Variants in TJP1 observed in about 807,000 individuals in gnomAD.
TJP1 encodes tight junction protein 1.
TJP1 carries 43 observed loss-of-function variants against 194.2 expected under a neutral mutation model. The observed-to-expected ratio is 0.22, with a 90% CI of 0.17 to 0.29. TJP1 has a LOEUF of 0.29. Ranked by LOEUF, TJP1 falls within the 10% of genes least tolerant of loss-of-function variation. TJP1 has a pLI of 1.00. For missense variants in TJP1, 1,971 were observed against 2,185.7 expected, an observed-to-expected ratio of 0.90 and a Z score of 1.96; for synonymous variants, 801 against 779.0, an observed-to-expected ratio of 1.03 and a Z score of -0.47.
Position 29,708,991 on chromosome 15 carries a change from G to C in TJP1, c.4418C>G (p.Pro1473Arg). 1 of 1,613,908 alleles carries C rather than the reference G, an allele frequency of 6.2e-7. No individual in the cohort carries two copies. The highest frequency in any genetic ancestry group is 2.2e-5 in the East Asian group (1 of 44,880). ...LDFQNSLVSK[P>R]DPPPSQNKPA... ...CTTATTCTGAGATGGAGGTGGGTCT[G>C]GTTTGGACACTAAGGAATTCTGAAA... Residue 1473 changes from proline to arginine, a missense_variant, in exon 25 of 28, where the codon CCA becomes CGA. Around this residue, in one of 5 missense-constraint regions of TJP1, gnomAD observed 1,108 missense variants for 1,128.5 expected, o/e 0.98. Transcript: ENST00000614355.
At chr15:29,895,204 A>T (rs761155546) in intron 2 of TJP1, among the ~76,000 whole-genome samples, 1 of 152,178 alleles carries the variant, frequency 6.6e-6, no homozygotes, top group Non-Finnish European at 1.5e-5. Context: ...TCCCAAACAC[A>T]CTTCCACAGT....
intron 2 of TJP1, among the ~76,000 whole-genome samples, chr15:29,949,752 CTTT>C (rs1169707845): frequency 8.8e-6 from 1 of 113,082 alleles, no homozygotes; most frequent in African/African-American, 3.1e-5. Context: ...ACCACCTCCA[CTTT>C]CACCACCACT....
chr15:29,895,054 C>T (rs2053434359), intron 2 of TJP1, among the ~76,000 whole-genome samples: 1 of 152,218 alleles, frequency 6.6e-6, no homozygotes, highest in Admixed American at 6.5e-5. Flanking sequence ...CCCTTGCATT[C>T]TGGCCTTGTG....
At chr15:29,900,022 G>T (rs1327257775) in intron 2 of TJP1, among the ~76,000 whole-genome samples, 1 of 152,076 alleles carries the variant, frequency 6.6e-6, no homozygotes, top group Admixed American at 6.6e-5. Context: ...TATATTAAAC[G>T]GTGGTTAAGT....
intron 23 of TJP1, among the ~76,000 whole-genome samples, chr15:29,713,779 A>T (rs551810448): frequency 3.8e-4 from 58 of 152,354 alleles, no homozygotes; most frequent in African/African-American, 1.4e-3. Flanking sequence ...TCTAACCATT[A>T]AATACCTATA....
chr15:29,822,236 A>G lies in TJP1; in HGVS notation c.-208T>C. 1 of 1,173,668 alleles carries G rather than the reference A, an allele frequency of 8.5e-7. No homozygotes were observed. The highest frequency in any genetic ancestry group is 1.1e-6 in the Non-Finnish European group (1 of 950,464). The allele number at this position is 1,173,668 out of a possible 1,614,324, so 72.7% of individuals were successfully genotyped here. A position where few individuals can be genotyped will look rare whatever the true frequency, so the allele number is the denominator to read the frequency against. On this transcript the variant is annotated 5_prime_UTR_variant, in exon 1 of 28. Transcript: ENST00000614355. ...CGCCCGCCCCGCCCGGGTCTTCTCC[A>G]CGGGGCGCGCCCGACCGGCACCTCC... is the stretch of plus-strand genomic sequence containing the variant.
At chr15:29,810,784 G>A (rs1390164200) in intron 1 of TJP1, among the ~76,000 whole-genome samples, 1 of 152,162 alleles carries the variant, frequency 6.6e-6, no homozygotes, top group Non-Finnish European at 1.5e-5. Flanking sequence ...GAAAGATGGA[G>A]GTGGCAAGGT....
intron 23 of TJP1, among the ~76,000 whole-genome samples, chr15:29,716,138 C>T (rs2042548947): frequency 6.6e-6 from 1 of 152,094 alleles, no homozygotes; most frequent in South Asian, 2.1e-4. Flanking sequence ...GGGTTCAGTC[C>T]CAGCTCTGCC....
chr15:29,818,969 CA>C (rs2050134674), intron 1 of TJP1, among the ~76,000 whole-genome samples: 3 of 151,558 alleles, frequency 2.0e-5, no homozygotes, highest in African/African-American at 7.3e-5. Flanking sequence ...AGGCACGCGC[CA>C]CCATGCCCGG....
intron 2 of TJP1, among the ~76,000 whole-genome samples, chr15:29,846,667 T>C (rs942847953): frequency 4.6e-5 from 7 of 152,176 alleles, no homozygotes; most frequent in Non-Finnish European, 7.3e-5. Context: ...GGCTCACGTC[T>C]GTAATCCCAG....
chr15:29,915,456 C>T (rs2054154022), intron 2 of TJP1, among the ~76,000 whole-genome samples: 1 of 152,210 alleles, frequency 6.6e-6, no homozygotes, highest in Non-Finnish European at 1.5e-5. Context: ...ACCAGTTAAA[C>T]TCCCTTCCAA....
At position 29,741,453 on chromosome 15, in the gene TJP1, T is replaced by G; in HGVS notation, c.1151-17A>C. On this transcript the variant is annotated splice_polypyrimidine_tract_variant and intron_variant, in intron 9 of 27. Coordinates refer to ENST00000614355, the MANE Select transcript of TJP1 (RefSeq NM_001330239.4). ...GCTTTGGTTCTAAGAAAAAAAAAAT[T>G]GAGTAGGACTCACTTTAGAAAAACA... The G allele has an allele frequency of 6.5e-7, 1 of 1,531,814 alleles. No individual in the cohort carries two copies. The highest frequency in any genetic ancestry group is 1.4e-5 in the African/African-American group (1 of 73,088). 94.9% of individuals were successfully genotyped at this position (1,531,814 alleles called of 1,614,324 possible).
chr15:29,958,914 T>C (rs74425631), intron 1 of TJP1, among the ~76,000 whole-genome samples: 99 of 45,554 alleles, frequency 2.2e-3, no homozygotes, highest in Non-Finnish European at 2.0e-3. Flanking sequence ...GCAAACTTGC[T>C]TTTTTAGTTT....
At chr15:29,763,998 C>T (rs780485069) in intron 5 of TJP1, among the ~76,000 whole-genome samples, 1 of 151,946 alleles carries the variant, frequency 6.6e-6, no homozygotes, top group Non-Finnish European at 1.5e-5. Flanking sequence ...CACAGATGAC[C>T]CCAAAATATT....
chr15:29,812,478 A>G (rs1417138673), intron 1 of TJP1, among the ~76,000 whole-genome samples: 1 of 152,194 alleles, frequency 6.6e-6, no homozygotes, highest in East Asian at 1.9e-4. Flanking sequence ...GCTGGGGCTG[A>G]GCAAGAGCTG....
chr15:29,732,364 G>C lies in TJP1; in HGVS notation c.2017+69C>G, dbSNP rs1242310605. On this transcript the variant is annotated intron_variant, in intron 15 of 27. Coordinates refer to ENST00000614355, the MANE Select transcript of TJP1 (RefSeq NM_001330239.4). Reference sequence around the variant, plus strand: ...AAAGTCTTATTTTTATTGAATGAGTGAATCAGAACTCACTCACTTTAGAGG... The same window carrying C: ...AAAGTCTTATTTTTATTGAATGAGTCAATCAGAACTCACTCACTTTAGAGG... 7.0e-6 allele frequency: 9 copies of C among 1,286,380 alleles called. No individual in the cohort carries two copies. The African/African-American group carries it at 1.3e-4, about 19-fold the overall frequency. 79.7% of individuals were successfully genotyped at this position (1,286,380 alleles called of 1,614,324 possible).
rs2043281453 is a variant in TJP1, at chr15:29,726,991, C to T, written c.2101G>A (p.Asp701Asn). 2 of 1,612,096 alleles carry T rather than the reference C, an allele frequency of 1.2e-6. No individual in the cohort carries two copies. The highest frequency in any genetic ancestry group is 1.3e-5 in the African/African-American group (1 of 74,714). ...GTTACATCTAATAAAGCATGTTTGT[C>T]CTAGAAACAGAAAGAAAAATATATA... ...LHTIKQIIDQ[D>N]KHALLDVTPN... is the part of the protein sequence containing the mutation. The change falls in exon 17 of 28, where the codon GAC (aspartate) becomes AAC (asparagine). Residue 701 changes from aspartate (D) to asparagine (N), a missense_variant and splice_region_variant. By Grantham distance (23) the Asp-to-Asn change is conservative. This residue lies in a region of TJP1 where 402 missense variants were observed against 484.2 expected (regional missense o/e 0.83). Coordinates refer to ENST00000614355, the MANE Select transcript of TJP1 (RefSeq NM_001330239.4).
At chr15:29,712,207 T>C (rs2042285084) in intron 23 of TJP1, among the ~76,000 whole-genome samples, 1 of 152,256 alleles carries the variant, frequency 6.6e-6, no homozygotes, top group African/African-American at 2.4e-5. Context: ...TAAATTTTCA[T>C]TGAAGAAGTC....
intron 1 of TJP1, among the ~76,000 whole-genome samples, chr15:29,808,899 T>C (rs1356266233): frequency 1.3e-5 from 2 of 152,164 alleles, no homozygotes; most frequent in Admixed American, 6.5e-5. Context: ...ATGCCACTTA[T>C]GAAGTAGAAC....
Sources: allele counts gnomAD v4.1 joint callset (sites outside exome capture counted in the v4.1 genomes callset), GRCh38; gene constraint gnomAD v4.1.1; regional missense constraint gnomAD v4.1.1; transcripts MANE v1.5; gene names NCBI Gene and HGNC (gene_info 2026-07-23, HGNC 2026-07-21).